Variants in JMJD1C observed in about 807,000 individuals in gnomAD.
JMJD1C encodes the protein jumonji domain containing 1C, also known as jumonji domain-containing protein 1C.
A neutral mutation model predicts 245.3 loss-of-function variants in JMJD1C; 31 were observed. The observed-to-expected ratio is 0.13, with a 90% CI of 0.09 to 0.17. The LOEUF (loss-of-function observed/expected upper bound fraction) is 0.17, where lower values mean the gene tolerates loss of function less well. Ranked by LOEUF, JMJD1C falls within the 10% of genes least tolerant of loss-of-function variation. The pLI is 1.00. For missense variants in JMJD1C, 2,691 were observed against 3,000.2 expected (o/e 0.90, Z 2.41); for synonymous variants, 1,057 against 1,017.4 (o/e 1.04, Z -0.74).
chr10:63,329,287 A>T lies in JMJD1C; in HGVS notation c.333+51031T>A, dbSNP rs200403927. On this transcript the variant is annotated intron_variant, in intron 2 of 25. Coordinates refer to ENST00000399262, the MANE Select transcript of JMJD1C (RefSeq NM_032776.3). ...ACAGGGAGACCTTATTTCAAAAAAA[A>T]AAAAGAAAGAAAGAAAGAAAGAAAA... Among the ~76,000 whole-genome samples, 3 of 151,940 alleles carry T rather than the reference A, an allele frequency of 2.0e-5. No individual in the cohort carries two copies. In the East Asian group the frequency reaches 5.8e-4, roughly 29 times the overall value.
At chr10:63,332,120 A>G (rs535248173) in intron 2 of JMJD1C, among the ~76,000 whole-genome samples, 35 of 152,332 alleles carry the variant, frequency 2.3e-4, no homozygotes, top group African/African-American at 6.7e-4. Flanking sequence ...TACCCTAACT[A>G]AAAAACAAAA....
chr10:63,208,958 G>A (rs1362233419), intron 9 of JMJD1C, 105 bp downstream of exon 9: 4 of 1,132,840 alleles, frequency 3.5e-6, no homozygotes, highest in Non-Finnish European at 2.5e-6. Context: ...ACAGAACAAA[G>A]CCTAATCTTA....
At chr10:63,332,298 C>A (rs1942245979) in intron 2 of JMJD1C, among the ~76,000 whole-genome samples, 1 of 152,170 alleles carries the variant, frequency 6.6e-6, no homozygotes, top group Non-Finnish European at 1.5e-5. Flanking sequence ...AATTTGATGT[C>A]AATTCATGAT....
intron 2 of JMJD1C, among the ~76,000 whole-genome samples, chr10:63,329,678 C>T (rs959147181): frequency 3.9e-5 from 6 of 152,098 alleles, no homozygotes; most frequent in Non-Finnish European, 7.3e-5. Context: ...TCTGACATTG[C>T]AAAAGCAATA....
Position 63,287,781 on chromosome 10 carries a change from C to A in JMJD1C, c.334-23017G>T, listed in dbSNP as rs532762626. Among the ~76,000 whole-genome samples the A allele has an allele frequency of 4.6e-5, 7 of 151,916 alleles. No homozygotes were observed. The South Asian group carries it at 1.5e-3, about 32-fold the overall frequency. ...CTTTTTTTTTTGAGACAGAGTCTCG[C>A]TCTGTTGCGCAAGCTGGAGTGCAAT... On this transcript the variant is annotated intron_variant, in intron 2 of 25. Coordinates refer to ENST00000399262, the MANE Select transcript of JMJD1C (RefSeq NM_032776.3).
intron 10 of JMJD1C, chr10:63,203,013 CTATAG>C (rs757426128): frequency 2.0e-6 from 2 of 984,934 alleles, no homozygotes; most frequent in Non-Finnish European, 2.4e-6. Flanking sequence ...TCAGATAGTA[CTATAG>C]TAAAGAATCA....
At chr10:63,352,817 G>C (rs1222634274) in intron 2 of JMJD1C, among the ~76,000 whole-genome samples, 9 of 152,112 alleles carry the variant, frequency 5.9e-5, no homozygotes, top group Non-Finnish European at 2.9e-5. Context: ...GTGTTCATGG[G>C]ATGTGAAACC....
In JMJD1C at chr10:63,168,066, T is replaced by C; in HGVS notation, c.7602A>G (p.Val2534=). 4 of 1,596,554 alleles carry C rather than the reference T, an allele frequency of 2.5e-6. No individual in the cohort carries two copies. The highest frequency in any genetic ancestry group is 3.4e-6 in the Non-Finnish European group (4 of 1,164,668). ...ACACTTAATTTTCTTCCATATCCTC[T>C]ACTTCATCCTCGTGTATCTTCAAGG... ...VRALKIHEDE[V]EDMEEN The change falls in exon 26 of 26, where the codon GTA becomes GTG. Residue 2534 remains valine (V), a synonymous_variant. Coordinates refer to ENST00000399262, the MANE Select transcript of JMJD1C (RefSeq NM_032776.3).
chr10:63,412,741 T>C (rs1402714270), intron 1 of JMJD1C, among the ~76,000 whole-genome samples: 2 of 152,236 alleles, frequency 1.3e-5, no homozygotes, highest in Admixed American at 1.3e-4. Flanking sequence ...TGGTAGCAAA[T>C]GATAAAACTA....
At chr10:63,290,874 A>G (rs557689656) in intron 2 of JMJD1C, among the ~76,000 whole-genome samples, 2 of 152,350 alleles carry the variant, frequency 1.3e-5, no homozygotes, top group South Asian at 4.1e-4. Context: ...AATCAGTATG[A>G]AATCTTTATT....
chr10:63,294,541 C>T (rs1859155478), intron 2 of JMJD1C, among the ~76,000 whole-genome samples: 1 of 152,170 alleles, frequency 6.6e-6, no homozygotes, highest in African/African-American at 2.4e-5. Flanking sequence ...GCCTTGGCCT[C>T]CCAAAGTGCT....
At chr10:63,468,975 A>C (rs917698013), upstream of JMJD1C, among the ~76,000 whole-genome samples, 11 of 152,302 alleles carry the variant, frequency 7.2e-5, no homozygotes, top group East Asian at 3.9e-4. Flanking sequence ...TACAAAAAAA[A>C]CCCACAAACT....
intron 2 of JMJD1C, among the ~76,000 whole-genome samples, chr10:63,363,478 G>C (rs1261380950): frequency 6.6e-6 from 1 of 151,702 alleles, no homozygotes; most frequent in Non-Finnish European, 1.5e-5. Context: ...GGCTGGCTGA[G>C]AACTCATGAG....
At chr10:63,468,466 T>G (rs1482755326), upstream of JMJD1C, among the ~76,000 whole-genome samples, 1 of 152,240 alleles carries the variant, frequency 6.6e-6, no homozygotes, top group Non-Finnish European at 1.5e-5. Flanking sequence ...TAAAAAATTT[T>G]TCAAGTTGGT....
At chr10:63,466,992 T>C (rs1262964640), upstream of JMJD1C, among the ~76,000 whole-genome samples, 1 of 141,464 alleles carries the variant, frequency 7.1e-6, no homozygotes, top group Non-Finnish European at 1.6e-5. Flanking sequence ...TTCTTGAGAT[T>C]TTCCTGAACC....
In JMJD1C at chr10:63,354,844, A is replaced by G. The variant is rs191028319; in HGVS notation, c.333+25474T>C. The stretch of plus-strand genomic sequence containing the variant: ...AGCATGGGCAACATGGTGAGATCCC[A>G]TATCTACTTTAACAAAAAAAAAAAA... On this transcript the variant is annotated intron_variant, in intron 2 of 25. Coordinates refer to ENST00000399262, the MANE Select transcript of JMJD1C (RefSeq NM_032776.3). Among the ~76,000 whole-genome samples, 45 of 143,030 alleles carry G rather than the reference A, an allele frequency of 3.1e-4. No individual in the cohort carries two copies. In the East Asian group the frequency reaches 3.4e-3, roughly 11 times the overall value. The allele number at this position is 143,030 out of a possible 152,430, so 93.8% of individuals were successfully genotyped here. A position where few individuals can be genotyped will look rare whatever the true frequency, so the allele number is the denominator to read the frequency against.
At chr10:63,341,540 C>T (rs947441634) in intron 2 of JMJD1C, among the ~76,000 whole-genome samples, 6 of 152,172 alleles carry the variant, frequency 3.9e-5, no homozygotes, top group African/African-American at 1.4e-4. Flanking sequence ...AATTTCTTAC[C>T]AGCCCATATT....
intron 1 of JMJD1C, among the ~76,000 whole-genome samples, chr10:63,435,327 G>T (rs998459120): frequency 6.6e-6 from 1 of 152,078 alleles, no homozygotes; most frequent in African/African-American, 2.4e-5. Context: ...TTCCAGAAAA[G>T]AAACAGTTGT....
chr10:63,445,920 G>C (rs902350643), intron 1 of JMJD1C, among the ~76,000 whole-genome samples: 6 of 125,858 alleles, frequency 4.8e-5, no homozygotes, highest in Admixed American at 9.7e-5. Flanking sequence ...TGGTTACCTA[G>C]GCTGGAGTGC....
Sources: allele counts gnomAD v4.1 joint callset (sites outside exome capture counted in the v4.1 genomes callset), GRCh38; gene constraint gnomAD v4.1.1; transcripts MANE v1.5; gene names NCBI Gene and HGNC (gene_info 2026-07-23, HGNC 2026-07-21).